CD24: variants seen among roughly 807,000 people sequenced by gnomAD.
CD24 encodes CD24 molecule.
Under a neutral mutation model 3.6 loss-of-function variants are expected in CD24, and 2 were observed. The observed-to-expected ratio is 0.56, with a 90% CI of 0.23 to 1.77. The LOEUF is 1.77. CD24 is among the 40% of genes most tolerant of loss of function. The pLI is 0.18. For synonymous variants in CD24, 33 were observed against 44.9 expected, an observed-to-expected ratio of 0.74 and a Z score of 1.06; for missense variants, 62 against 93.6, an observed-to-expected ratio of 0.66 and a Z score of 1.39.
chr6:106,973,399 C>A, intron 1 of CD24: 1 of 360,930 alleles, frequency 2.8e-6, no homozygotes, highest in Non-Finnish European at 4.9e-6. Context: ...GCGCCCCTCC[C>A]CCATCAAAGA....
At position 106,974,630 on chromosome 6, in the gene CD24, A is replaced by G; in HGVS notation, c.17T>C (p.Val6Ala). The stretch of plus-strand genomic sequence containing the variant: ...CAGCAGCCCCAGCCCGAGCCTGGCC[A>G]CCATTGCTCTGCCCATGTCCCCTCC... MGRAM[V>A]ARLGLGLLLL... is the part of the protein sequence containing the mutation. Residue 6 changes from valine to alanine, a missense_variant, in exon 1 of 2, where the codon GTG becomes GCG. Val to Ala is a moderately conservative substitution (Grantham distance 64). Transcript: ENST00000606017. 2 of 1,482,744 alleles carry G rather than the reference A, an allele frequency of 1.3e-6. No individual in the cohort carries two copies. The highest frequency in any genetic ancestry group is 1.8e-6 in the Non-Finnish European group (2 of 1,121,220). 91.8% of individuals were successfully genotyped at this position (1,482,744 alleles called of 1,614,324 possible). A position where few individuals can be genotyped will look rare whatever the true frequency, so the allele number is the denominator to read the frequency against.
At chr6:106,974,089 G>A (rs1773042483) in intron 1 of CD24, 1 of 396,702 alleles carries the variant, frequency 2.5e-6, no homozygotes. Flanking sequence ...CTCCGAGGGT[G>A]GAGGATGGGC....
At chr6:106,975,040 C>T (rs1773075129), upstream of CD24, 1 of 151,796 alleles carries the variant, frequency 6.6e-6, no homozygotes, top group South Asian at 2.1e-4. Context: ...CCCAGCGCCT[C>T]CGGCACAGGA....
chr6:106,974,564 C>T lies in CD24; in HGVS notation c.69+14G>A. 2.1e-6 allele frequency: 3 copies of T among 1,421,294 alleles called. No individual in the cohort carries two copies. Among genetic ancestry groups the T allele is most frequent in the Non-Finnish European group, 2.8e-6 (3 of 1,090,562 alleles). 88.0% of individuals were successfully genotyped at this position (1,421,294 alleles called of 1,614,324 possible). A position where few individuals can be genotyped will look rare whatever the true frequency, so the allele number is the denominator to read the frequency against. ...GGAACGGCCCTCGAGCCCCGCCGGG[C>T]GCCAGGGCCTCACCTGCGTGGGTAG... is the stretch of plus-strand genomic sequence containing the variant. On this transcript the variant is annotated intron_variant, in intron 1 of 1. Transcript: ENST00000606017.
chr6:106,976,168 T>C (rs1433048329), upstream of CD24, among the ~76,000 whole-genome samples: 3 of 152,248 alleles, frequency 2.0e-5, no homozygotes, highest in Non-Finnish European at 2.9e-5. Context: ...TGTAAATTTG[T>C]TTAAATTTCA....
intron 1 of CD24, among the ~76,000 whole-genome samples, chr6:106,972,771 A>C (rs1773005463): frequency 6.6e-6 from 1 of 152,164 alleles, no homozygotes; most frequent in Non-Finnish European, 1.5e-5. Context: ...TTCTGATTAC[A>C]GGCTGGAGGG....
upstream of CD24, chr6:106,974,778 T>A (rs1445120008): frequency 9.6e-5 from 85 of 887,814 alleles, no homozygotes; most frequent in Non-Finnish European, 1.4e-4. Flanking sequence ...AAAGCCACAA[T>A]AGCCGTGACG....
chr6:106,973,545 G>C (rs1020068224), intron 1 of CD24: 9 of 397,660 alleles, frequency 2.3e-5, no homozygotes, highest in African/African-American at 1.4e-4. Flanking sequence ...TCTGGGGACG[G>C]AGGACGCAGC....
At position 106,969,853 on chromosome 6, in the gene CD24, T is replaced by C. The variant is rs1443917961; in HGVS notation, c.*1808A>G. 1 of 152,666 alleles carries C rather than the reference T, an allele frequency of 6.6e-6. No individual in the cohort carries two copies. Among genetic ancestry groups the C allele is most frequent in the African/African-American group, 2.4e-5 (1 of 41,462 alleles). The allele number at this position is 152,666 out of a possible 1,614,324, so 9.5% of individuals were successfully genotyped here. On this transcript the variant is annotated 3_prime_UTR_variant, in exon 2 of 2. Coordinates refer to ENST00000606017, the MANE Select transcript of CD24 (RefSeq NM_001359084.1). ...AGATTGCTCTTTCAGCCATTTCTTT[T>C]TATTTACAGTTTGTGTTCAATGCAA...
Position 106,971,688 on chromosome 6 carries a change from T to C in CD24, c.216A>G (p.Ser72=), listed in dbSNP as rs1772977075. Residue 72 remains serine (S), a synonymous_variant, in exon 2 of 2, where the codon TCA becomes TCG. Coordinates refer to ENST00000606017, the MANE Select transcript of CD24 (RefSeq NM_001359084.1). ...LQSTASLFVV[S]LSLLHLYS is the part of the protein sequence containing the mutation. ...AAGAGTAGAGATGCAGAAGAGAGAG[T>C]GAGACCACGAAGAGACTGGCTGTTG... The C allele has an allele frequency of 1.3e-6, 2 of 1,547,236 alleles. No homozygotes were observed. The highest frequency in any genetic ancestry group is 1.4e-5 in the African/African-American group (1 of 72,954).
upstream of CD24, among the ~76,000 whole-genome samples, chr6:106,976,419 T>C (rs1372372960): frequency 2.0e-5 from 3 of 152,326 alleles, no homozygotes; most frequent in East Asian, 5.8e-4. Flanking sequence ...AGTGACTGAA[T>C]TGGTTTGTGC....
chr6:106,974,777 A>G (rs1200905603), upstream of CD24: 2 of 929,632 alleles, frequency 2.2e-6, no homozygotes, highest in Middle Eastern at 3.2e-4. Context: ...GAAAGCCACA[A>G]TAGCCGTGAC....
intron 1 of CD24, chr6:106,973,550 C>T (rs1385314315): frequency 1.0e-5 from 4 of 397,734 alleles, no homozygotes; most frequent in African/African-American, 8.2e-5. Flanking sequence ...GGACGGAGGA[C>T]GCAGCGCGCC....
chr6:106,974,063 G>A lies in CD24; in HGVS notation c.69+515C>T, dbSNP rs1050237552. On this transcript the variant is annotated intron_variant, in intron 1 of 1. Coordinates refer to ENST00000606017, the MANE Select transcript of CD24 (RefSeq NM_001359084.1). ...AGGGCCAGATAGCCGTAGCTTCTCCGGGATACCCAATCCAACTCCGAGGGT... is the reference window on the plus strand; with the variant it reads ...AGGGCCAGATAGCCGTAGCTTCTCCAGGATACCCAATCCAACTCCGAGGGT... The A allele has an allele frequency of 5.3e-5, 21 of 397,346 alleles. 1 individual carries two copies. The highest frequency in any genetic ancestry group is 2.3e-4 in the African/African-American group (11 of 48,770). The allele number at this position is 397,346 out of a possible 1,614,324, so 24.6% of individuals were successfully genotyped here. A position where few individuals can be genotyped will look rare whatever the true frequency, so the allele number is the denominator to read the frequency against.
intron 1 of CD24, among the ~76,000 whole-genome samples, chr6:106,973,087 G>A (rs1773012722): frequency 6.6e-6 from 1 of 151,984 alleles, no homozygotes; most frequent in African/African-American, 2.4e-5. Context: ...CTTAAAACAG[G>A]GTGCCTGTTT....
In CD24 at chr6:106,971,540, G is replaced by A. The variant is rs1436112192; in HGVS notation, c.*121C>T. 1.5e-6 allele frequency: 1 copy of A among 681,264 alleles called. No individual in the cohort carries two copies. The highest frequency in any genetic ancestry group is 1.8e-5 in the African/African-American group (1 of 54,384). 42.2% of individuals were successfully genotyped at this position (681,264 alleles called of 1,614,324 possible). On this transcript the variant is annotated 3_prime_UTR_variant, in exon 2 of 2. Coordinates refer to ENST00000606017, the MANE Select transcript of CD24 (RefSeq NM_001359084.1). ...TCAACATTTTCTGTGTCAATAAAAG[G>A]TGTGGAATTAGTAGATTCGATGAAG...
chr6:106,971,685 G>A lies in CD24; in HGVS notation c.219C>T (p.Leu73=), dbSNP rs1394201418. ...QSTASLFVVS[L]SLLHLYS ...CTTAAGAGTAGAGATGCAGAAGAGAGAGTGAGACCACGAAGAGACTGGCTG... is the reference window on the plus strand; with the variant it reads ...CTTAAGAGTAGAGATGCAGAAGAGAAAGTGAGACCACGAAGAGACTGGCTG... Residue 73 remains leucine, a synonymous_variant, in exon 2 of 2, where the codon CTC becomes CTT. Coordinates refer to ENST00000606017, the MANE Select transcript of CD24 (RefSeq NM_001359084.1). 7.9e-5 allele frequency: 122 copies of A among 1,547,464 alleles called. No individual in the cohort carries two copies. The highest frequency in any genetic ancestry group is 1.1e-4 in the Non-Finnish European group (122 of 1,144,010).
intron 1 of CD24, chr6:106,973,742 A>G (rs1483165410): frequency 2.0e-5 from 8 of 398,254 alleles, no homozygotes; most frequent in Non-Finnish European, 3.5e-5. Flanking sequence ...CGGTGCATCC[A>G]TACACCCTCG....
In CD24 at chr6:106,974,714, C is replaced by T. The variant is rs1348236502; in HGVS notation, c.-68G>A. On this transcript the variant is annotated 5_prime_UTR_variant, in exon 1 of 2. Transcript: ENST00000606017. ...TGCTTGGAGAACCGCTGGCTCCGGGCGGGCGCAGGCAAGGTGGGGAGCGCG... is the reference window on the plus strand; with the variant it reads ...TGCTTGGAGAACCGCTGGCTCCGGGTGGGCGCAGGCAAGGTGGGGAGCGCG... 5.5e-6 allele frequency: 8 copies of T among 1,461,016 alleles called. No individual in the cohort carries two copies. The Admixed American group carries it at 7.6e-5, about 14-fold the overall frequency. The allele number at this position is 1,461,016 out of a possible 1,614,324, so 90.5% of individuals were successfully genotyped here. A position where few individuals can be genotyped will look rare whatever the true frequency, so the allele number is the denominator to read the frequency against.
Sources: gnomAD v4.1 joint callset for allele counts (sites outside exome capture counted in the v4.1 genomes callset) on GRCh38, gnomAD v4.1.1 for gene constraint, MANE v1.5 for transcripts, NCBI Gene and HGNC (gene_info 2026-07-23, HGNC 2026-07-21) for gene names.